SMARCB1: variants seen among roughly 807,000 people sequenced by gnomAD.
The protein encoded by SMARCB1 is SWI/SNF-related matrix-associated actin-dependent regulator of chromatin subfamily B member 1.
A neutral mutation model predicts 49.0 loss-of-function variants in SMARCB1; 5 were observed. The observed-to-expected ratio is 0.10, with a 90% CI of 0.05 to 0.21. The LOEUF (loss-of-function observed/expected upper bound fraction) is 0.21, where lower values mean the gene tolerates loss of function less well. SMARCB1 is among the 10% of genes least tolerant of loss of function. SMARCB1 has a pLI of 1.00. For missense variants in SMARCB1, 226 were observed against 509.2 expected, an observed-to-expected ratio of 0.44 and a Z score of 5.35; for synonymous variants, 201 against 200.1, an observed-to-expected ratio of 1.00 and a Z score of -0.04.
At position 23,835,786 on chromosome 22, in the gene SMARCB1, A is replaced by G. The variant is rs923143561; in HGVS notation, c.*1606A>G. ...GCCCTGTGTCTCCACAACTGGGGGG[A>G]TGGAAGGAACCTTGGCTGCCTCACC... is the stretch of plus-strand genomic sequence containing the variant. On this transcript the variant is annotated 3_prime_UTR_variant, in exon 9 of 9. Coordinates refer to ENST00000644036, the MANE Select transcript of SMARCB1 (RefSeq NM_003073.5). 5.1e-6 allele frequency: 5 copies of G among 985,226 alleles called. No homozygotes were observed. Among genetic ancestry groups the G allele is most frequent in the Non-Finnish European group, 3.6e-6 (3 of 829,924 alleles). 61.0% of individuals were successfully genotyped at this position (985,226 alleles called of 1,614,324 possible). A position where few individuals can be genotyped will look rare whatever the true frequency, so the allele number is the denominator to read the frequency against.
intron 3 of SMARCB1, among the ~76,000 whole-genome samples, chr22:23,795,614 C>T (rs1316353128): frequency 6.6e-6 from 1 of 151,552 alleles, no homozygotes; most frequent in Non-Finnish European, 1.5e-5. Flanking sequence ...CGAGGTTGCG[C>T]CATTGCTCTC....
At chr22:23,829,407 G>A (rs1350512446) in intron 7 of SMARCB1, among the ~76,000 whole-genome samples, 1 of 152,180 alleles carries the variant, frequency 6.6e-6, no homozygotes, top group African/African-American at 2.4e-5. Flanking sequence ...GATCAGGCAG[G>A]GTATCTGCCC....
intron 2 of SMARCB1, chr22:23,793,309 C>G (rs1048529604): frequency 1.8e-6 from 1 of 570,340 alleles, no homozygotes; most frequent in African/African-American, 1.9e-5. Flanking sequence ...CCCTCTGCCC[C>G]GAGCCAGTGC....
intron 3 of SMARCB1, 61 bp from the exon 4 acceptor site, chr22:23,800,883 T>C: frequency 7.9e-7 from 1 of 1,267,396 alleles, no homozygotes; most frequent in South Asian, 1.2e-5. Flanking sequence ...ATTAGTTGAT[T>C]CCTGGTGGGC....
chr22:23,808,502 C>T (rs935950125), intron 5 of SMARCB1, among the ~76,000 whole-genome samples: 1 of 152,020 alleles, frequency 6.6e-6, no homozygotes, highest in Non-Finnish European at 1.5e-5. Context: ...GTGATCTGCC[C>T]GCCTCGGCCT....
rs1214372578 is a variant in SMARCB1 at position 23,836,916 on chromosome 22, G to C, written c.*2736G>C. ...TGGGGTCCTGGCTGTTCCTCAGGGA[G>C]GGGCAGGTAATTGGGGTCTTCTGCA... is the stretch of plus-strand genomic sequence containing the variant. On this transcript the variant is annotated 3_prime_UTR_variant, in exon 9 of 9. Transcript: ENST00000644036. 1.3e-6 allele frequency: 2 copies of C among 1,534,730 alleles called. No homozygotes were observed. Among genetic ancestry groups the C allele is most frequent in the African/African-American group, 2.8e-5 (2 of 72,652 alleles).
rs2145951968 is a variant in SMARCB1 at position 23,787,191 on chromosome 22, A to G, written c.22A>G (p.Lys8Glu). 6.2e-7 allele frequency: 1 copy of G among 1,608,644 alleles called. No individual in the cohort carries two copies. Among genetic ancestry groups the G allele is most frequent in the Non-Finnish European group, 8.5e-7 (1 of 1,177,122 alleles). Residue 8 changes from lysine to glutamate, a missense_variant, in exon 1 of 9, where the codon AAG becomes GAG. By Grantham distance (56) the Lys-to-Glu change is moderately conservative. Coordinates refer to ENST00000644036, the MANE Select transcript of SMARCB1 (RefSeq NM_003073.5). The stretch of plus-strand genomic sequence containing the variant: ...CGCAATGATGATGATGGCGCTGAGC[A>G]AGACCTTCGGGCAGAAGCCCGTGAA... MMMMALS[K>E]TFGQKPVKFQ...
chr22:23,793,376 G>A (rs959698448), intron 2 of SMARCB1, 183 bp from the exon 3 acceptor site: 3 of 737,864 alleles, frequency 4.1e-6, no homozygotes, highest in Non-Finnish European at 7.4e-6. Flanking sequence ...AGCAGGACTT[G>A]TAAGTAAAGC....
intron 5 of SMARCB1, among the ~76,000 whole-genome samples, chr22:23,805,331 A>G (rs1252611847): frequency 6.6e-6 from 1 of 152,214 alleles, no homozygotes; most frequent in Admixed American, 6.5e-5. Flanking sequence ...GTCATGCCCC[A>G]GAACAGGGAC....
At chr22:23,788,278 T>C (rs1416452003) in intron 1 of SMARCB1, among the ~76,000 whole-genome samples, 10 of 152,300 alleles carry the variant, frequency 6.6e-5, no homozygotes, top group Middle Eastern at 3.4e-3. Flanking sequence ...GATATACAGT[T>C]CAGATGTACA....
At chr22:23,817,251 G>A in intron 6 of SMARCB1, 1 of 475,010 alleles carries the variant, frequency 2.1e-6, no homozygotes, top group Non-Finnish European at 3.9e-6. Flanking sequence ...GCTCCAGGGG[G>A]GCCTAGTAAC....
intron 5 of SMARCB1, among the ~76,000 whole-genome samples, chr22:23,808,575 A>G (rs574321158): frequency 2.6e-4 from 39 of 151,246 alleles, no homozygotes; most frequent in Admixed American, 1.5e-3. Flanking sequence ...TAGATTTCTC[A>G]TGAGAAACTG....
chr22:23,803,265 C>T (rs376380598), intron 4 of SMARCB1, 30 bp from the exon 5 acceptor site: 69 of 1,613,846 alleles, frequency 4.3e-5, no homozygotes, highest in East Asian at 1.1e-4. Flanking sequence ...CCGGCCCCCT[C>T]GCTGACTGTT....
Position 23,834,231 on chromosome 22 carries a change from C to A in SMARCB1, c.*51C>A. The A allele has an allele frequency of 6.5e-7, 1 of 1,535,404 alleles. No individual in the cohort carries two copies. Among genetic ancestry groups the A allele is most frequent in the Non-Finnish European group, 8.8e-7 (1 of 1,131,306 alleles). On this transcript the variant is annotated 3_prime_UTR_variant, in exon 9 of 9. Transcript: ENST00000644036. ...CGGAGCATCTCAGAAGATTGGGCCG[C>A]CTCTCCTCCATCTTCTGGCAAGGAC...
At position 23,835,141 on chromosome 22, in the gene SMARCB1, G is replaced by A. The variant is rs1386187773; in HGVS notation, c.*961G>A. 2 of 1,367,792 alleles carry A rather than the reference G, an allele frequency of 1.5e-6. No homozygotes were observed. The highest frequency in any genetic ancestry group is 1.9e-6 in the Non-Finnish European group (2 of 1,063,488). 84.7% of individuals were successfully genotyped at this position (1,367,792 alleles called of 1,614,324 possible). ...CCTCCCGGCCTGGTGCCAGCTCTTG[G>A]AGTTGACACGGTACAGGGAGGAGAC... On this transcript the variant is annotated 3_prime_UTR_variant, in exon 9 of 9. Transcript: ENST00000644036.
chr22:23,789,102 G>A (rs1928205785), intron 1 of SMARCB1, among the ~76,000 whole-genome samples: 5 of 152,106 alleles, frequency 3.3e-5, no homozygotes, highest in South Asian at 2.1e-4. Context: ...TGCCCGCCTC[G>A]GCCTCCCAAA....
At chr22:23,791,597 T>C (rs1928377880) in intron 1 of SMARCB1, among the ~76,000 whole-genome samples, 159 bp from the exon 2 acceptor site, 1 of 152,220 alleles carries the variant, frequency 6.6e-6, no homozygotes, top group African/African-American at 2.4e-5. Context: ...TGGTGAACCC[T>C]TCATATCAGC....
At position 23,801,013 on chromosome 22, in the gene SMARCB1, C is replaced by T. The variant is rs1601401868; in HGVS notation, c.432C>T (p.Ala144=). 10 of 1,614,106 alleles carry T rather than the reference C, an allele frequency of 6.2e-6. No homozygotes were observed. Among genetic ancestry groups the T allele is most frequent in the East Asian group, 2.2e-5 (1 of 44,884 alleles). Residue 144 remains alanine (A), a synonymous_variant, in exon 4 of 9, where the codon GCC becomes GCT. Coordinates refer to ENST00000644036, the MANE Select transcript of SMARCB1 (RefSeq NM_003073.5). Reference sequence around the variant, plus strand: ...CCAACAGCTCCCACCACTTAGATGCCGTGCCATGCTCCACAACCATCAACA... The same window carrying T: ...CCAACAGCTCCCACCACTTAGATGCTGTGCCATGCTCCACAACCATCAACA... ...TLPNSSHHLD[A]VPCSTTINRN... is the part of the protein sequence containing the mutation.
chr22:23,834,828 C>T lies in SMARCB1; in HGVS notation c.*648C>T, dbSNP rs1362974404. 1.2e-6 allele frequency: 2 copies of T among 1,610,960 alleles called. No individual in the cohort carries two copies. The highest frequency in any genetic ancestry group is 1.3e-5 in the African/African-American group (1 of 75,036). ...TAACCCTGCTCCCCTTGCTTGGCCT[C>T]AGGAAGGTGCCGCGAGCTCTCCTGC... On this transcript the variant is annotated 3_prime_UTR_variant, in exon 9 of 9. Transcript: ENST00000644036.
Sources: gnomAD v4.1 joint callset for allele counts (sites outside exome capture counted in the v4.1 genomes callset) on GRCh38, gnomAD v4.1.1 for gene constraint, MANE v1.5 for transcripts, NCBI Gene and HGNC (gene_info 2026-07-23, HGNC 2026-07-21) for gene names.